The following HORMAD1 variants were observed in gnomAD, a reference collection of about 807,000 sequenced individuals.
The protein encoded by HORMAD1 is HORMA domain-containing protein 1.
In HORMAD1, 33 loss-of-function variants were observed where a neutral mutation model predicts 58.2. The ratio of observed to expected loss-of-function variants is 0.57; its 90% confidence interval spans 0.43 to 0.76. HORMAD1 has a LOEUF of 0.76. Ranked by LOEUF, HORMAD1 falls within the 30% of genes least tolerant of loss-of-function variation. The probability of loss-of-function intolerance (pLI) is 0.00; values close to 1 mark genes in which losing one functional copy is unlikely to be tolerated. For missense variants in HORMAD1, 363 were observed against 462.0 expected (o/e 0.79, Z 1.96); for synonymous variants, 137 against 144.6 (o/e 0.95, Z 0.38).
intron 6 of HORMAD1, 35 bp downstream of exon 6, chr1:150,711,798 A>T: frequency 6.7e-7 from 1 of 1,492,786 alleles, no homozygotes; most frequent in Non-Finnish European, 9.3e-7. Context: ...ATTTGGCAGT[A>T]TTAAAAAAAG....
intron 7 of HORMAD1, among the ~76,000 whole-genome samples, chr1:150,709,717 G>A (rs1473911579): frequency 6.6e-6 from 1 of 152,010 alleles, no homozygotes; most frequent in Non-Finnish European, 1.5e-5. Context: ...TCTCCTGCCT[G>A]CCCCTGGGAA....
chr1:150,707,892 T>A (rs1191534007), intron 9 of HORMAD1, among the ~76,000 whole-genome samples: 1 of 152,116 alleles, frequency 6.6e-6, no homozygotes, highest in East Asian at 1.9e-4. Context: ...GCTGAGATTA[T>A]GCCACTGCAC....
Position 150,703,409 on chromosome 1 carries a change from A to T in HORMAD1, c.949-16T>A, listed in dbSNP as rs766717358. The T allele has an allele frequency of 1.3e-5, 17 of 1,356,068 alleles. No individual in the cohort carries two copies. In the Admixed American group the frequency reaches 3.1e-4, roughly 25 times the overall value. The allele number at this position is 1,356,068 out of a possible 1,614,324, so 84.0% of individuals were successfully genotyped here. A position where few individuals can be genotyped will look rare whatever the true frequency, so the allele number is the denominator to read the frequency against. On this transcript the variant is annotated splice_polypyrimidine_tract_variant and intron_variant, in intron 12 of 14. Coordinates refer to ENST00000361824, the MANE Select transcript of HORMAD1 (RefSeq NM_032132.5). ...ACTGCTCAACCTAAAAAAGAAAATA[A>T]TTACAAAAAATATAACTTAGTATAA... is the stretch of plus-strand genomic sequence containing the variant.
intron 14 of HORMAD1, among the ~76,000 whole-genome samples, chr1:150,699,576 G>A (rs1651473952): frequency 2.0e-5 from 3 of 151,012 alleles, no homozygotes; most frequent in Admixed American, 2.0e-4. Flanking sequence ...CCAGGCTGTA[G>A]TACAGTGGCG....
chr1:150,715,225 C>T (rs909497139), intron 3 of HORMAD1, among the ~76,000 whole-genome samples: 2 of 152,034 alleles, frequency 1.3e-5, no homozygotes, highest in African/African-American at 2.4e-5. Context: ...AAAAATATTT[C>T]ATAAAAAACT....
intron 9 of HORMAD1, among the ~76,000 whole-genome samples, chr1:150,707,894 C>A (rs1412144639): frequency 1.3e-5 from 2 of 152,120 alleles, no homozygotes; most frequent in Non-Finnish European, 2.9e-5. Flanking sequence ...TGAGATTATG[C>A]CACTGCACTC....
At chr1:150,713,960 T>C in intron 5 of HORMAD1, 125 bp downstream of exon 5, 1 of 677,844 alleles carries the variant, frequency 1.5e-6, no homozygotes, top group Non-Finnish European at 2.6e-6. Context: ...TTTAGGCTTT[T>C]CAGTAATTCA....
At chr1:150,708,546 G>T in intron 8 of HORMAD1, 139 bp from the exon 9 acceptor site, 1 of 522,106 alleles carries the variant, frequency 1.9e-6, no homozygotes, top group Non-Finnish European at 3.2e-6. Context: ...GTGTTTTAAT[G>T]TCACTATTAT....
intron 1 of HORMAD1, among the ~76,000 whole-genome samples, chr1:150,720,152 G>A (rs945567372): frequency 6.6e-6 from 1 of 151,602 alleles, no homozygotes; most frequent in African/African-American, 2.4e-5. Context: ...TCGGCTCACC[G>A]CAACCTCCCC....
At chr1:150,708,856 G>A in intron 8 of HORMAD1, 38 bp downstream of exon 8, 3 of 1,013,496 alleles carry the variant, frequency 3.0e-6, no homozygotes, top group Non-Finnish European at 4.7e-6. Context: ...TGAATAAGTG[G>A]TAATCTGTAA....
intron 8 of HORMAD1, 72 bp from the exon 9 acceptor site, chr1:150,708,479 C>A: frequency 1.0e-6 from 1 of 983,692 alleles, no homozygotes; most frequent in Non-Finnish European, 1.5e-6. Context: ...TACATTTTAA[C>A]TATTTGAGAT....
chr1:150,698,523 A>G lies in HORMAD1; in HGVS notation c.*131T>C. The G allele has an allele frequency of 2.2e-6, 1 of 449,614 alleles. No individual in the cohort carries two copies. The highest frequency in any genetic ancestry group is 4.0e-6 in the Non-Finnish European group (1 of 249,688). The allele number at this position is 449,614 out of a possible 1,614,324, so 27.9% of individuals were successfully genotyped here. On this transcript the variant is annotated 3_prime_UTR_variant, in exon 15 of 15. Coordinates refer to ENST00000361824, the MANE Select transcript of HORMAD1 (RefSeq NM_032132.5). Reference sequence around the variant, plus strand: ...AAGGACCACAATATGACAGTCAGCCAAAAACTTAGTTTTAGTGTACAAACT... The same window carrying G: ...AAGGACCACAATATGACAGTCAGCCGAAAACTTAGTTTTAGTGTACAAACT...
intron 3 of HORMAD1, among the ~76,000 whole-genome samples, chr1:150,716,132 G>C (rs1360310576): frequency 7.3e-6 from 1 of 136,848 alleles, no homozygotes; most frequent in Non-Finnish European, 1.6e-5. Context: ...CTAAGTGAAA[G>C]CCAGTCACAA....
Position 150,717,288 on chromosome 1 carries a change from A to G in HORMAD1, c.34-6T>C. ...TTGGGAAATACCAGTGCACTCTAAA[A>G]TTCAAGGGAAAGTAGAACACTTTAT... is the stretch of plus-strand genomic sequence containing the variant. On this transcript the variant is annotated splice_region_variant and splice_polypyrimidine_tract_variant and intron_variant, in intron 2 of 14. Transcript: ENST00000361824. The G allele has an allele frequency of 6.7e-7, 1 of 1,502,398 alleles. No individual in the cohort carries two copies. The highest frequency in any genetic ancestry group is 1.9e-4 in the Middle Eastern group (1 of 5,338). 93.1% of individuals were successfully genotyped at this position (1,502,398 alleles called of 1,614,324 possible).
intron 6 of HORMAD1, 32 bp downstream of exon 6, chr1:150,711,800 TA>T: frequency 5.3e-6 from 8 of 1,507,668 alleles, no homozygotes; most frequent in Non-Finnish European, 7.3e-6. Flanking sequence ...TTGGCAGTAT[TA>T]AAAAAAGAAC....
At chr1:150,710,259 G>C (rs1651833533) in intron 7 of HORMAD1, among the ~76,000 whole-genome samples, 1 of 152,058 alleles carries the variant, frequency 6.6e-6, no homozygotes, top group Non-Finnish European at 1.5e-5. Flanking sequence ...GCAGATAAGG[G>C]AGGCAACATA....
chr1:150,704,393 AAAC>A, intron 10 of HORMAD1, 50 bp from the exon 11 acceptor site: 1 of 1,170,348 alleles, frequency 8.5e-7, no homozygotes, highest in Non-Finnish European at 1.2e-6. Flanking sequence ...AAAGGAACTA[AAAC>A]AACTGAGCAG....
At chr1:150,701,895 A>G (rs1651548115) in intron 13 of HORMAD1, 1 of 152,184 alleles carries the variant, frequency 6.6e-6, no homozygotes, top group Admixed American at 6.5e-5. Flanking sequence ...ATATGCTAAA[A>G]TTAGAACGAT....
At chr1:150,713,912 T>C in intron 5 of HORMAD1, 173 bp downstream of exon 5, 1 of 599,652 alleles carries the variant, frequency 1.7e-6, no homozygotes, top group Middle Eastern at 2.6e-4. Flanking sequence ...CCATTATCTT[T>C]AAATGAGTTG....
Sources: gnomAD v4.1 joint callset for allele counts (sites outside exome capture counted in the v4.1 genomes callset) on GRCh38, gnomAD v4.1.1 for gene constraint, MANE v1.5 for transcripts, NCBI Gene and HGNC (gene_info 2026-07-23, HGNC 2026-07-21) for gene names.